MRGBP: variants seen among roughly 807,000 people sequenced by gnomAD.
MRGBP encodes the protein MRG/MORF4L-binding protein.
MRGBP carries 5 observed loss-of-function variants against 21.5 expected under a neutral mutation model. The ratio of observed to expected loss-of-function variants is 0.23; its 90% CI spans 0.12 to 0.49. The LOEUF is 0.49. Among genes scored for constraint, MRGBP ranks in the 20% least tolerant of loss-of-function variants. The pLI is 0.98. For synonymous variants in MRGBP, 118 were observed against 104.4 expected (o/e 1.13, Z -0.79); for missense variants, 227 against 277.4 (o/e 0.82, Z 1.29).
At chr20:62,798,805 G>T in intron 3 of MRGBP, 137 bp downstream of exon 3, 1 of 1,574,450 alleles carries the variant, frequency 6.4e-7, no homozygotes. Context: ...CCTGTGCTTG[G>T]GTGGTCTTGG....
chr20:62,799,970 C>T lies in MRGBP; in HGVS notation c.*327C>T. ...GTGACATGGATTAGCGCTACGTGGG[C>T]TGCAGCATTTGGGATCCAGGCTACC... On this transcript the variant is annotated 3_prime_UTR_variant, in exon 5 of 5. Coordinates refer to ENST00000370487, the MANE Select transcript of MRGBP (RefSeq NM_018270.6). 3.8e-6 allele frequency: 1 copy of T among 266,122 alleles called. No individual in the cohort carries two copies. The highest frequency in any genetic ancestry group is 7.1e-6 in the Non-Finnish European group (1 of 140,506). 16.5% of individuals were successfully genotyped at this position (266,122 alleles called of 1,614,324 possible).
chr20:62,800,083 CCTGTGTGACT>C lies in MRGBP; in HGVS notation c.*442_*451del, dbSNP rs1202464187. The stretch of plus-strand genomic sequence containing the variant: ...TTCCTCAAAGGAGCCCCTGGTCTTC[CCTGTGTGACT>C]CAGTTCTTTCCATCTGTTTGTCCCG... On this transcript the variant is annotated 3_prime_UTR_variant, in exon 5 of 5. Transcript: ENST00000370487. The C allele has an allele frequency of 2.5e-5, 4 of 157,318 alleles. No homozygotes were observed. Among genetic ancestry groups the C allele is most frequent in the South Asian group, 1.9e-4 (1 of 5,130 alleles). 9.7% of individuals were successfully genotyped at this position (157,318 alleles called of 1,614,324 possible). A position where few individuals can be genotyped will look rare whatever the true frequency, so the allele number is the denominator to read the frequency against.
chr20:62,798,861 CGGAA>C (rs1035035683), intron 3 of MRGBP, 110 bp from the exon 4 acceptor site: 8 of 1,577,986 alleles, frequency 5.1e-6, no homozygotes, highest in Non-Finnish European at 6.9e-6. Context: ...AGTGGCTGGA[CGGAA>C]GCTGAGGCCT....
chr20:62,799,755 T>C lies in MRGBP; in HGVS notation c.*112T>C. The C allele has an allele frequency of 8.2e-7, 1 of 1,217,120 alleles. No individual in the cohort carries two copies. The highest frequency in any genetic ancestry group is 1.5e-5 in the South Asian group (1 of 67,200). 75.4% of individuals were successfully genotyped at this position (1,217,120 alleles called of 1,614,324 possible). ...CCACAGTGATACCATCCCAGTGCCA[T>C]GAGCCCACACTGCCCGCCCTCAGGC... On this transcript the variant is annotated 3_prime_UTR_variant, in exon 5 of 5. Transcript: ENST00000370487.
rs7397 is a variant in MRGBP at position 62,800,205 on chromosome 20, A to C, written c.*562A>C. The C allele has an allele frequency of 0.36, 55,260 of 152,132 alleles. 10,721 individuals carry two copies. The highest frequency in any genetic ancestry group is 0.46 in the African/African-American group (19,097 of 41,274). 9.4% of individuals were successfully genotyped at this position (152,132 alleles called of 1,614,324 possible). ...GTGCCACGCACTGAAGGCCACCCCC[A>C]CCCACCTGGGAAACTAAGAACTGGA... On this transcript the variant is annotated 3_prime_UTR_variant, in exon 5 of 5. Coordinates refer to ENST00000370487, the MANE Select transcript of MRGBP (RefSeq NM_018270.6).
Position 62,796,569 on chromosome 20 carries a change from G to A in MRGBP, c.46G>A (p.Gly16Ser), listed in dbSNP as rs2147173693. Residue 16 changes from glycine (G) to serine (S), a missense_variant, in exon 1 of 5, where the codon GGC becomes AGC. This residue lies in a region of MRGBP where 65 missense variants were observed against 49.7 expected (regional missense o/e 1.31). Coordinates refer to ENST00000370487, the MANE Select transcript of MRGBP (RefSeq NM_018270.6). The stretch of plus-strand genomic sequence containing the variant: ...CGGCGGGGGCGCCGCAGGCGACAAG[G>A]GCCCGGGGGAGGCGGCCACCAGCCC... The part of the protein sequence containing the change: ...VGGGGAAGDK[G>S]PGEAATSPAE... 8.0e-7 allele frequency: 1 copy of A among 1,249,778 alleles called. No individual in the cohort carries two copies. The allele number at this position is 1,249,778 out of a possible 1,614,324, so 77.4% of individuals were successfully genotyped here.
chr20:62,796,582 C>T lies in MRGBP; in HGVS notation c.59C>T (p.Ala20Val). The T allele has an allele frequency of 4.0e-6, 5 of 1,263,364 alleles. No individual in the cohort carries two copies. Among genetic ancestry groups the T allele is most frequent in the South Asian group, 2.5e-5 (1 of 40,624 alleles). The allele number at this position is 1,263,364 out of a possible 1,614,324, so 78.3% of individuals were successfully genotyped here. ...GAAGDKGPGE[A>V]ATSPAEETVV... ...GCAGGCGACAAGGGCCCGGGGGAGG[C>T]GGCCACCAGCCCGGCGGAGGAGACA... is the stretch of plus-strand genomic sequence containing the variant. The change falls in exon 1 of 5, where the codon GCG (alanine) becomes GTG (valine). Residue 20 changes from alanine (A) to valine (V), a missense_variant. By Grantham distance (64) the Ala-to-Val change is moderately conservative. Transcript: ENST00000370487.
Position 62,799,039 on chromosome 20 carries a change from G to A in MRGBP, c.417G>A (p.Gly139=), listed in dbSNP as rs1260594935. ...AGGAAGACGTGGACCCCCACAATGG[G>A]GCTGACGATGGTGAGTGTGGAGCTC... The part of the protein sequence containing the change: ...EMKEDVDPHN[G]ADDVFSSSGS... Residue 139 remains glycine (G), a synonymous_variant, in exon 4 of 5, where the codon GGG becomes GGA. Coordinates refer to ENST00000370487, the MANE Select transcript of MRGBP (RefSeq NM_018270.6). 6.2e-7 allele frequency: 1 copy of A among 1,611,838 alleles called. No homozygotes were observed. The highest frequency in any genetic ancestry group is 2.2e-5 in the East Asian group (1 of 44,818).
intron 4 of MRGBP, 120 bp downstream of exon 4, chr20:62,799,169 A>C (rs919656596): frequency 9.6e-7 from 1 of 1,045,434 alleles, no homozygotes; most frequent in African/African-American, 1.6e-5. Context: ...CAGGCAGGTC[A>C]TCTAGGCACA....
rs1293408072 is a variant in MRGBP, at chr20:62,799,682, A to G, written c.*39A>G. On this transcript the variant is annotated 3_prime_UTR_variant, in exon 5 of 5. Coordinates refer to ENST00000370487, the MANE Select transcript of MRGBP (RefSeq NM_018270.6). ...GTGGCGGCAGAGAAGCGGGCGAGGCACTGTGGTCGCTGAGGGGGTTGGCTG... is the reference window on the plus strand; with the variant it reads ...GTGGCGGCAGAGAAGCGGGCGAGGCGCTGTGGTCGCTGAGGGGGTTGGCTG... 6.3e-7 allele frequency: 1 copy of G among 1,580,108 alleles called. No homozygotes were observed.
At chr20:62,796,769 C>G (rs1990344510) in intron 1 of MRGBP, 98 bp downstream of exon 1, 1 of 1,124,492 alleles carries the variant, frequency 8.9e-7, no homozygotes, top group Admixed American at 4.8e-5. Context: ...CCACGCTCCC[C>G]GCCGAGCCCG....
rs537118265 is a variant in MRGBP, at chr20:62,800,008, G to A, written c.*365G>A. The A allele has an allele frequency of 1.4e-5, 3 of 209,288 alleles. No individual in the cohort carries two copies. Among genetic ancestry groups the A allele is most frequent in the East Asian group, 1.0e-4 (1 of 9,582 alleles). The allele number at this position is 209,288 out of a possible 1,614,324, so 13.0% of individuals were successfully genotyped here. ...GATCCAGGCTACCTAGAGGGGCATCGGGCCAGGGAAAACCTCGGATTAGCA... is the reference window on the plus strand; with the variant it reads ...GATCCAGGCTACCTAGAGGGGCATCAGGCCAGGGAAAACCTCGGATTAGCA... On this transcript the variant is annotated 3_prime_UTR_variant, in exon 5 of 5. Coordinates refer to ENST00000370487, the MANE Select transcript of MRGBP (RefSeq NM_018270.6).
In MRGBP at chr20:62,799,486, C is replaced by G. The variant is rs1990408394; in HGVS notation, c.458C>G (p.Ala153Gly). 6.2e-7 allele frequency: 1 copy of G among 1,613,316 alleles called. No individual in the cohort carries two copies. Among genetic ancestry groups the G allele is most frequent in the Non-Finnish European group, 8.5e-7 (1 of 1,179,670 alleles). The change falls in exon 5 of 5, where the codon GCA (alanine) becomes GGA (glycine). Residue 153 changes from alanine to glycine, a missense_variant. Ala to Gly is a moderately conservative substitution (Grantham distance 60). This residue lies in a region of MRGBP where 162 missense variants were observed against 227.7 expected (regional missense o/e 0.71). Coordinates refer to ENST00000370487, the MANE Select transcript of MRGBP (RefSeq NM_018270.6). ...VFSSSGSLGK[A>G]SEKSSKDKEK... Reference sequence around the variant, plus strand: ...TCATCTTCAGGGAGTTTGGGGAAAGCATCAGAAAAATCCAGCAAAGACAAA... The same window carrying G: ...TCATCTTCAGGGAGTTTGGGGAAAGGATCAGAAAAATCCAGCAAAGACAAA...
Position 62,797,174 on chromosome 20 carries a change from G to C in MRGBP, c.213G>C (p.Gln71His), listed in dbSNP as rs780662476. The C allele has an allele frequency of 6.2e-7, 1 of 1,606,680 alleles. No individual in the cohort carries two copies. The highest frequency in any genetic ancestry group is 1.1e-5 in the South Asian group (1 of 90,382). Residue 71 changes from glutamine (Q) to histidine (H), a missense_variant, in exon 2 of 5, where the codon CAG (glutamine) becomes CAC (histidine). Physicochemically the swap from Gln to His is conservative, Grantham distance 24 (BLOSUM62 0). Coordinates refer to ENST00000370487, the MANE Select transcript of MRGBP (RefSeq NM_018270.6). ...RDKFSQNIGR[Q>H]VPSKVIWDHL... The stretch of plus-strand genomic sequence containing the variant: ...AGTTCAGCCAGAACATCGGGCGGCA[G>C]GTCCCATCCAAGGTCATCTGGGACC...
Position 62,801,389 on chromosome 20 carries a change from A to C in MRGBP, c.*1746A>C, listed in dbSNP as rs1262421864. The stretch of plus-strand genomic sequence containing the variant: ...CGCCTGGCATTCCTCCACTCACAGC[A>C]CAAATACTCAGCCCTGCAGCCAGGG... On this transcript the variant is annotated 3_prime_UTR_variant, in exon 5 of 5. Coordinates refer to ENST00000370487, the MANE Select transcript of MRGBP (RefSeq NM_018270.6). 6.6e-6 allele frequency: 1 copy of C among 152,434 alleles called. No homozygotes were observed. Among genetic ancestry groups the C allele is most frequent in the Non-Finnish European group, 1.5e-5 (1 of 68,198 alleles). The allele number at this position is 152,434 out of a possible 1,614,324, so 9.4% of individuals were successfully genotyped here. A position where few individuals can be genotyped will look rare whatever the true frequency, so the allele number is the denominator to read the frequency against.
chr20:62,799,196 GC>G, intron 4 of MRGBP, 147 bp downstream of exon 4: 1 of 892,752 alleles, frequency 1.1e-6, no homozygotes, highest in Non-Finnish European at 1.7e-6. Flanking sequence ...ATCCTGCAGT[GC>G]CCCCTCCCCA....
chr20:62,798,883 C>T, intron 3 of MRGBP, 92 bp from the exon 4 acceptor site: 2 of 1,588,586 alleles, frequency 1.3e-6, no homozygotes, highest in Non-Finnish European at 1.7e-6. Flanking sequence ...CCTGTGTGGG[C>T]AGCAAGCGTC....
rs986030794 is a variant in MRGBP, at chr20:62,799,866, G to C, written c.*223G>C. 2.9e-5 allele frequency: 15 copies of C among 523,042 alleles called. No individual in the cohort carries two copies. The highest frequency in any genetic ancestry group is 2.3e-4 in the African/African-American group (12 of 52,842). 32.4% of individuals were successfully genotyped at this position (523,042 alleles called of 1,614,324 possible). ...CTGATGGACCTGAAAGACCAGGATC[G>C]GTCCAGCTCAGATATTGAGGGCTCT... On this transcript the variant is annotated 3_prime_UTR_variant, in exon 5 of 5. Transcript: ENST00000370487.
At chr20:62,797,335 G>A (rs1685570253) in intron 2 of MRGBP, 104 bp downstream of exon 2, 1 of 1,414,894 alleles carries the variant, frequency 7.1e-7, no homozygotes. Context: ...CATGTCTGCT[G>A]GGGTCTGCTG....
Sources: allele counts gnomAD v4.1 joint callset, GRCh38; gene constraint gnomAD v4.1.1; regional missense constraint gnomAD v4.1.1; transcripts MANE v1.5; gene names NCBI Gene and HGNC (gene_info 2026-07-23, HGNC 2026-07-21).